STX8: variants seen among roughly 807,000 people sequenced by gnomAD.
STX8 encodes the protein syntaxin 8.
A neutral mutation model predicts 37.5 loss-of-function variants in STX8; 23 were observed. The observed-to-expected ratio is 0.61, with a 90% confidence interval of 0.44 to 0.87. STX8 has a LOEUF of 0.87. Among genes scored for constraint, STX8 ranks in the 40% least tolerant of loss-of-function variants. STX8 has a pLI of 0.00. For synonymous variants in STX8, 115 were observed against 99.1 expected (o/e 1.16, Z -0.95); for missense variants, 313 against 284.7 (o/e 1.10, Z -0.71).
chr17:9,478,118 A>G (rs1415236148), intron 6 of STX8, among the ~76,000 whole-genome samples: 1 of 152,138 alleles, frequency 6.6e-6, no homozygotes, highest in East Asian at 1.9e-4. Context: ...TTTCAAGCTC[A>G]GCTAAGAATA....
Position 9,333,657 on chromosome 17 carries a change from C to G in STX8, c.643+44895G>C, listed in dbSNP as rs112798317. 3.9e-3 allele frequency among the ~76,000 whole-genome samples: 587 copies of G among 152,240 alleles called. 1 individual carries two copies. Among genetic ancestry groups the G allele is most frequent in the African/African-American group, 6.4e-3 (265 of 41,554 alleles). ...GCCCGCCTTGGCCTCCCAAAGTGCT[C>G]GGATTACAGGCGTGAGCCACGGCGC... On this transcript the variant is annotated intron_variant, in intron 7 of 7. Transcript: ENST00000306357.
chr17:9,343,852 A>T (rs1198542061), intron 7 of STX8, among the ~76,000 whole-genome samples: 3 of 152,170 alleles, frequency 2.0e-5, no homozygotes, highest in Non-Finnish European at 2.9e-5. Context: ...TTGATGAGAA[A>T]TATTAATTCC....
At chr17:9,364,460 A>C (rs1468674665) in intron 7 of STX8, among the ~76,000 whole-genome samples, 2 of 152,186 alleles carry the variant, frequency 1.3e-5, no homozygotes, top group Non-Finnish European at 2.9e-5. Flanking sequence ...CAACTTAAGA[A>C]GAGGGACCTG....
At chr17:9,512,625 GATA>G (rs1248263205) in intron 4 of STX8, among the ~76,000 whole-genome samples, 2 of 152,064 alleles carry the variant, frequency 1.3e-5, no homozygotes, top group Non-Finnish European at 2.9e-5. Flanking sequence ...ACCACACTCA[GATA>G]ATTTTTGTAG....
chr17:9,301,918 A>G (rs1908803727), intron 7 of STX8, among the ~76,000 whole-genome samples: 3 of 152,206 alleles, frequency 2.0e-5, no homozygotes, highest in African/African-American at 7.2e-5. Context: ...TTTGTTGGGT[A>G]TGGTTATTAG....
intron 6 of STX8, among the ~76,000 whole-genome samples, chr17:9,452,706 T>G (rs989362976): frequency 6.6e-6 from 1 of 152,076 alleles, no homozygotes; most frequent in Admixed American, 6.6e-5. Flanking sequence ...GTGTTCTCAA[T>G]GTATAAACTT....
At chr17:9,398,205 C>T (rs915245122) in intron 6 of STX8, among the ~76,000 whole-genome samples, 2 of 152,090 alleles carry the variant, frequency 1.3e-5, no homozygotes, top group African/African-American at 2.4e-5. Context: ...AGAAGCCTAA[C>T]GAACACCACC....
chr17:9,485,221 G>A (rs995071815), intron 6 of STX8, among the ~76,000 whole-genome samples: 1 of 152,222 alleles, frequency 6.6e-6, no homozygotes, highest in Non-Finnish European at 1.5e-5. Flanking sequence ...CAAGGTATCA[G>A]GCTATTGCAG....
At chr17:9,370,728 C>G (rs535847214) in intron 7 of STX8, among the ~76,000 whole-genome samples, 2 of 152,276 alleles carry the variant, frequency 1.3e-5, no homozygotes, top group South Asian at 4.1e-4. Flanking sequence ...TCTGGTCTTT[C>G]ACAATTGGCG....
chr17:9,292,250 A>G (rs2142165102), intron 7 of STX8, among the ~76,000 whole-genome samples: 1 of 152,380 alleles, frequency 6.6e-6, no homozygotes, highest in East Asian at 1.9e-4. Flanking sequence ...ATATAAGGGT[A>G]GAGCAAAGGC....
intron 2 of STX8, among the ~76,000 whole-genome samples, chr17:9,565,904 G>A (rs541378856): frequency 1.2e-4 from 19 of 152,300 alleles, no homozygotes; most frequent in African/African-American, 4.6e-4. Context: ...AACAGGCAAA[G>A]ATTTCAGGAC....
intron 7 of STX8, among the ~76,000 whole-genome samples, chr17:9,255,607 G>C (rs980215086): frequency 1.3e-5 from 2 of 151,820 alleles, no homozygotes; most frequent in Non-Finnish European, 2.9e-5. Flanking sequence ...CTTGAGTGAT[G>C]GACATCTTGG....
At chr17:9,473,601 T>C (rs1193411941) in intron 6 of STX8, among the ~76,000 whole-genome samples, 1 of 152,136 alleles carries the variant, frequency 6.6e-6, no homozygotes, top group Admixed American at 6.5e-5. Flanking sequence ...CGCTATATGG[T>C]TTAGAGAATC....
chr17:9,505,307 G>T, intron 4 of STX8, 145 bp from the exon 5 acceptor site: 1 of 912,558 alleles, frequency 1.1e-6, no homozygotes. Flanking sequence ...TTTATGCCAG[G>T]AACTGTATTC....
chr17:9,399,923 TA>T (rs1185918156), intron 6 of STX8, among the ~76,000 whole-genome samples: 3 of 151,062 alleles, frequency 2.0e-5, no homozygotes, highest in Non-Finnish European at 4.4e-5. Flanking sequence ...GTTTACTCCA[TA>T]AGTGTCTTCC....
At chr17:9,296,315 C>T (rs967122610) in intron 7 of STX8, among the ~76,000 whole-genome samples, 7 of 118,716 alleles carry the variant, frequency 5.9e-5, no homozygotes, top group Non-Finnish European at 9.0e-5. Context: ...CACTGCACTC[C>T]AGCCTGGGCG....
At chr17:9,496,816 G>A (rs966537503) in intron 5 of STX8, among the ~76,000 whole-genome samples, 12 of 152,130 alleles carry the variant, frequency 7.9e-5, no homozygotes, top group Admixed American at 3.9e-4. Context: ...CTTTGAAGAC[G>A]AAAGAAGAGA....
At chr17:9,547,319 T>G (rs1906574009) in intron 3 of STX8, 1 of 147,362 alleles carries the variant, frequency 6.8e-6, no homozygotes, top group Non-Finnish European at 1.5e-5. Context: ...TGCCATAAAA[T>G]GAATGAGTGG....
At chr17:9,280,386 G>A (rs1276280469) in intron 7 of STX8, among the ~76,000 whole-genome samples, 2 of 152,102 alleles carry the variant, frequency 1.3e-5, no homozygotes, top group African/African-American at 2.4e-5. Context: ...AAACCCCGTT[G>A]CTATTAAAAC....
Sources: gnomAD v4.1 joint callset for allele counts (sites outside exome capture counted in the v4.1 genomes callset) on GRCh38, gnomAD v4.1.1 for gene constraint, MANE v1.5 for transcripts, NCBI Gene and HGNC (gene_info 2026-07-23, HGNC 2026-07-21) for gene names.